Variants in TAFA2 observed in about 807,000 individuals in gnomAD.
TAFA2 encodes chemokine-like protein TAFA-2.
A neutral mutation model predicts 18.8 loss-of-function variants in TAFA2; 7 were observed. The observed-to-expected ratio is 0.37, with a 90% CI of 0.21 to 0.70. The LOEUF is 0.70. Ranked by LOEUF, TAFA2 falls within the 30% of genes least tolerant of loss-of-function variation. The pLI is 0.53. For synonymous variants in TAFA2, 60 were observed against 54.2 expected, an observed-to-expected ratio of 1.11 and a Z score of -0.47; for missense variants, 122 against 158.1, an observed-to-expected ratio of 0.77 and a Z score of 1.23.
intron 1 of TAFA2, among the ~76,000 whole-genome samples, chr12:62,203,555 C>T (rs1592399179): frequency 6.6e-6 from 1 of 152,176 alleles, no homozygotes; most frequent in African/African-American, 2.4e-5. Flanking sequence ...GGACAGTTAG[C>T]TCTTCTTGTT....
At chr12:61,720,890 T>C (rs7485027) in intron 4 of TAFA2, 263,915 of 515,708 alleles carry the variant, frequency 0.51, 68,246 homozygotes, top group East Asian at 0.61. Context: ...TCTTTCTACT[T>C]CTCCATTCGA....
At chr12:61,712,171 G>A (rs553475599) in intron 4 of TAFA2, among the ~76,000 whole-genome samples, 17 of 152,168 alleles carry the variant, frequency 1.1e-4, no homozygotes, top group African/African-American at 2.6e-4. Context: ...GAAACATGGC[G>A]GAAATGAACT....
chr12:62,182,000 G>C (rs556313743), intron 1 of TAFA2, among the ~76,000 whole-genome samples: 1,729 of 96,928 alleles, frequency 0.018, 41 homozygotes, highest in African/African-American at 0.066. Flanking sequence ...TCCCCCCCCC[G>C]CTACACATAG....
chr12:61,741,546 A>C (rs1268851304), intron 4 of TAFA2, among the ~76,000 whole-genome samples: 1 of 152,132 alleles, frequency 6.6e-6, no homozygotes, highest in Non-Finnish European at 1.5e-5. Context: ...GAGACAAATT[A>C]TAGGTAAATT....
chr12:61,947,134 A>C (rs1391801830), intron 1 of TAFA2, among the ~76,000 whole-genome samples: 9 of 138,352 alleles, frequency 6.5e-5, no homozygotes, highest in African/African-American at 2.5e-4. Context: ...GCCATAAAAA[A>C]TGATGAGTTC....
intron 1 of TAFA2, among the ~76,000 whole-genome samples, chr12:62,085,329 T>C (rs1169528237): frequency 6.6e-6 from 1 of 152,196 alleles, no homozygotes; most frequent in African/African-American, 2.4e-5. Context: ...TGTTATGTTA[T>C]GTTTTATCCC....
intron 4 of TAFA2, among the ~76,000 whole-genome samples, chr12:61,753,066 A>G (rs555485711): frequency 1.3e-5 from 2 of 152,120 alleles, no homozygotes; most frequent in South Asian, 4.1e-4. Flanking sequence ...TCAGTGTCTT[A>G]AGAATATTCT....
chr12:61,725,330 T>C (rs1352741445), intron 4 of TAFA2, among the ~76,000 whole-genome samples: 1 of 152,132 alleles, frequency 6.6e-6, no homozygotes, highest in African/African-American at 2.4e-5. Context: ...ACATTTGCTT[T>C]TGGGTTCTTT....
intron 4 of TAFA2, among the ~76,000 whole-genome samples, chr12:61,747,662 C>G (rs1304547455): frequency 1.4e-5 from 2 of 145,688 alleles, no homozygotes; most frequent in Non-Finnish European, 3.0e-5. Context: ...GGGAATTGAA[C>G]AATGAGATCA....
rs151110942 is a variant in TAFA2 at position 61,801,514 on chromosome 12, A to T, written c.107-46490T>A. On this transcript the variant is annotated intron_variant, in intron 2 of 4. Transcript: ENST00000416284. ...CCAAGAACATAAATGAAGAAAGAACACTCTCTTCAATAAATGGATCTGGGA... is the reference window on the plus strand; with the variant it reads ...CCAAGAACATAAATGAAGAAAGAACTCTCTCTTCAATAAATGGATCTGGGA... 1.5e-4 allele frequency among the ~76,000 whole-genome samples: 23 copies of T among 152,096 alleles called. No individual in the cohort carries two copies. The East Asian group carries it at 4.3e-3, about 28-fold the overall frequency.
At chr12:61,727,799 C>T (rs986609082) in intron 4 of TAFA2, among the ~76,000 whole-genome samples, 26 of 151,706 alleles carry the variant, frequency 1.7e-4, no homozygotes, top group South Asian at 2.1e-4. Context: ...ATGGTGTGAC[C>T]TTAGATTGTC....
intron 1 of TAFA2, among the ~76,000 whole-genome samples, chr12:62,230,357 T>C (rs1343480311): frequency 6.6e-6 from 1 of 152,140 alleles, no homozygotes; most frequent in African/African-American, 2.4e-5. Context: ...TGCTACAAAC[T>C]TCCCTCTTAG....
intron 1 of TAFA2, among the ~76,000 whole-genome samples, chr12:62,017,435 A>AT (rs1880975284): frequency 6.6e-6 from 1 of 152,182 alleles, no homozygotes; most frequent in Non-Finnish European, 1.5e-5. Context: ...TATATACAAG[A>AT]TGCTGTGGCA....
chr12:62,217,722 C>T (rs1322514847), intron 1 of TAFA2, among the ~76,000 whole-genome samples: 2 of 152,212 alleles, frequency 1.3e-5, no homozygotes, highest in East Asian at 1.9e-4. Context: ...CACAGCTCAG[C>T]TCTCCCATGA....
In TAFA2 at chr12:61,955,617, AAAAAAAAAAAAAAAAATATAT is replaced by A. The variant is rs1362082653; in HGVS notation, c.-1-88212_-1-88192del. On this transcript the variant is annotated intron_variant, in intron 1 of 4. Coordinates refer to ENST00000416284, the MANE Select transcript of TAFA2 (RefSeq NM_178539.5). ...CTCCATCTCAAAAAAAAAAAAAAAA[AAAAAAAAAAAAAAAAATATAT>A]ATATATATATATATATATATATATA... Among the ~76,000 whole-genome samples the A allele has an allele frequency of 6.7e-3, 197 of 29,276 alleles. 5 individuals are homozygous for A. Among genetic ancestry groups the A allele is most frequent in the African/African-American group, 0.018 (189 of 10,660 alleles). 19.2% of individuals were successfully genotyped at this position (29,276 alleles called of 152,430 possible). A position where few individuals can be genotyped will look rare whatever the true frequency, so the allele number is the denominator to read the frequency against.
intron 2 of TAFA2, among the ~76,000 whole-genome samples, chr12:61,847,757 G>C (rs1873466273): frequency 6.6e-6 from 1 of 152,208 alleles, no homozygotes. Flanking sequence ...AACAGTGTTA[G>C]AGCTGCGTGT....
intron 1 of TAFA2, among the ~76,000 whole-genome samples, chr12:62,009,836 C>A (rs1880671733): frequency 6.6e-6 from 1 of 152,160 alleles, no homozygotes; most frequent in Admixed American, 6.5e-5. Context: ...TAATAATTAT[C>A]CAACCATATG....
chr12:61,800,074 A>G (rs923386928), intron 2 of TAFA2, among the ~76,000 whole-genome samples: 1 of 152,224 alleles, frequency 6.6e-6, no homozygotes, highest in Non-Finnish European at 1.5e-5. Context: ...ATAACTAACA[A>G]GATATTATAT....
intron 1 of TAFA2, among the ~76,000 whole-genome samples, chr12:62,248,822 TACATTA>T (rs1305248674): frequency 6.6e-6 from 1 of 152,218 alleles, no homozygotes; most frequent in Non-Finnish European, 1.5e-5. Context: ...AGTAGTTAAG[TACATTA>T]ACATTGTTGT....
Sources: gnomAD v4.1 joint callset for allele counts (sites outside exome capture counted in the v4.1 genomes callset) on GRCh38, gnomAD v4.1.1 for gene constraint, MANE v1.5 for transcripts, NCBI Gene and HGNC (gene_info 2026-07-23, HGNC 2026-07-21) for gene names.